Variants in FXR2 observed in about 807,000 individuals in gnomAD.
FXR2 encodes the protein RNA-binding protein FXR2.
In FXR2, 9 loss-of-function variants were observed where a neutral mutation model predicts 87.3. That is an observed-to-expected ratio of 0.10 (90% CI 0.06 to 0.18). FXR2 has a LOEUF of 0.18. Ranked by LOEUF, FXR2 falls within the 10% of genes least tolerant of loss-of-function variation. The pLI is 1.00. For synonymous variants in FXR2, 331 were observed against 328.3 expected (o/e 1.01, Z -0.09); for missense variants, 661 against 893.6 (o/e 0.74, Z 3.32).
At position 7,592,315 on chromosome 17, in the gene FXR2, C is replaced by T; in HGVS notation, c.1865G>A (p.Ser622Asn). The T allele has an allele frequency of 6.2e-7, 1 of 1,613,464 alleles. No individual in the cohort carries two copies. Among genetic ancestry groups the T allele is most frequent in the Non-Finnish European group, 8.5e-7 (1 of 1,179,430 alleles). Residue 622 changes from serine to asparagine, a missense_variant, in exon 16 of 17, where the codon AGC becomes AAC. Physicochemically the swap from Ser to Asn is conservative, Grantham distance 46. Coordinates refer to ENST00000250113, the MANE Select transcript of FXR2 (RefSeq NM_004860.4). The surrounding 1 kb of genome is among the most constrained non-coding windows in gnomAD (Gnocchi z 4.8). The part of the protein sequence containing the change: ...ADYISRAESQ[S>N]RQRPPLERTK... ...GCGTTCCAGGGGTGGCCTCTGGCGG[C>T]TCTGAGACTCTGCTCGTGAGATATA...
chr17:7,614,132 C>T, intron 1 of FXR2: 1 of 583,530 alleles, frequency 1.7e-6, no homozygotes, highest in Non-Finnish European at 3.2e-6. Flanking sequence ...CACCAGACAA[C>T]GGACACAGTC....
intron 1 of FXR2, among the ~76,000 whole-genome samples, chr17:7,607,954 G>A (rs1331829526): frequency 1.3e-5 from 2 of 151,808 alleles, no homozygotes; most frequent in East Asian, 3.9e-4. Flanking sequence ...CACGACCCTG[G>A]CTAATTCTGT....
chr17:7,614,631 G>A lies in FXR2; in HGVS notation c.-99C>T. 1 of 652,286 alleles carries A rather than the reference G, an allele frequency of 1.5e-6. No individual in the cohort carries two copies. The highest frequency in any genetic ancestry group is 2.2e-6 in the Non-Finnish European group (1 of 461,296). The allele number at this position is 652,286 out of a possible 1,614,324, so 40.4% of individuals were successfully genotyped here. A position where few individuals can be genotyped will look rare whatever the true frequency, so the allele number is the denominator to read the frequency against. On this transcript the variant is annotated 5_prime_UTR_variant, in exon 1 of 17. Coordinates refer to ENST00000250113, the MANE Select transcript of FXR2 (RefSeq NM_004860.4). ...CGGCGTCTCCCCGGAGGAGGAGCCG[G>A]AGGGGGAGCCGCGGGGGGCGGGAGC... is the stretch of plus-strand genomic sequence containing the variant.
At position 7,595,735 on chromosome 17, in the gene FXR2, A is replaced by G. The variant is rs115392553; in HGVS notation, c.831+89T>C. ...GGTGCTGGGATTACAGGTGTGAGCC[A>G]CTGTGCCCAGTTTGAGGCTTATTTT... On this transcript the variant is annotated intron_variant, in intron 8 of 16. Transcript: ENST00000250113. The surrounding 1 kb of genome is among the most constrained non-coding windows in gnomAD (Gnocchi z 4.7). 1.9e-6 allele frequency: 2 copies of G among 1,036,462 alleles called. No individual in the cohort carries two copies. The highest frequency in any genetic ancestry group is 1.4e-6 in the Non-Finnish European group (1 of 690,498). The allele number at this position is 1,036,462 out of a possible 1,614,324, so 64.2% of individuals were successfully genotyped here.
Position 7,593,752 on chromosome 17 carries a change from C to T in FXR2, c.1108-127G>A. ...AATGCAGGGAGAAGGAAGACACTGG[C>T]TAAACAAGGAAAATTCTGGGACCCA... On this transcript the variant is annotated intron_variant, in intron 11 of 16. Coordinates refer to ENST00000250113, the MANE Select transcript of FXR2 (RefSeq NM_004860.4). The surrounding 1 kb of genome is among the most constrained non-coding windows in gnomAD (Gnocchi z 6.1). 1 of 828,186 alleles carries T rather than the reference C, an allele frequency of 1.2e-6. No homozygotes were observed. Among genetic ancestry groups the T allele is most frequent in the Non-Finnish European group, 1.9e-6 (1 of 513,408 alleles). The allele number at this position is 828,186 out of a possible 1,614,324, so 51.3% of individuals were successfully genotyped here.
In FXR2 at chr17:7,614,664, GC is replaced by G; in HGVS notation, c.-133del. 2.4e-6 allele frequency: 1 copy of G among 413,812 alleles called. No homozygotes were observed. The highest frequency in any genetic ancestry group is 3.9e-6 in the Non-Finnish European group (1 of 253,420). The allele number at this position is 413,812 out of a possible 1,614,324, so 25.6% of individuals were successfully genotyped here. A position where few individuals can be genotyped will look rare whatever the true frequency, so the allele number is the denominator to read the frequency against. On this transcript the variant is annotated 5_prime_UTR_variant, in exon 1 of 17. Transcript: ENST00000250113. Reference sequence around the variant, plus strand: ...GCCGCGGGGGGCGGGAGCCGGGCCGGCCCCACGGCGGCCCTGCCACAGCCAA... The same window carrying G: ...GCCGCGGGGGGCGGGAGCCGGGCCGGCCCACGGCGGCCCTGCCACAGCCAA...
Position 7,608,429 on chromosome 17 carries a change from T to TAAA in FXR2, c.82-2283_82-2281dup, listed in dbSNP as rs1201395730. Among the ~76,000 whole-genome samples, 214 of 146,148 alleles carry TAAA rather than the reference T, an allele frequency of 1.5e-3. 1 individual carries two copies. The highest frequency in any genetic ancestry group is 5.1e-3 in the African/African-American group (204 of 39,736). ...CAATATGGCAAAATCCCATTGCTAC[T>TAAA]AAAAAAAAAAAAAAATAATAATAAT... On this transcript the variant is annotated intron_variant, in intron 1 of 16. Coordinates refer to ENST00000250113, the MANE Select transcript of FXR2 (RefSeq NM_004860.4).
intron 1 of FXR2, among the ~76,000 whole-genome samples, chr17:7,613,713 A>G (rs1266096496): frequency 6.6e-6 from 1 of 152,204 alleles, no homozygotes; most frequent in Non-Finnish European, 1.5e-5. Flanking sequence ...AAACTATATG[A>G]ATGACCTGAA....
chr17:7,609,929 T>C (rs11651662), intron 1 of FXR2, among the ~76,000 whole-genome samples: 14 of 117,312 alleles, frequency 1.2e-4, no homozygotes, highest in Non-Finnish European at 1.8e-4. Context: ...TACATGTATA[T>C]GTATATATAT....
rs752644575 is a variant in FXR2, at chr17:7,605,747, G to A, written c.135-9C>T. The A allele has an allele frequency of 2.7e-6, 4 of 1,465,308 alleles. No homozygotes were observed. Among genetic ancestry groups the A allele is most frequent in the Non-Finnish European group, 3.8e-6 (4 of 1,050,480 alleles). 90.8% of individuals were successfully genotyped at this position (1,465,308 alleles called of 1,614,324 possible). On this transcript the variant is annotated splice_polypyrimidine_tract_variant and intron_variant, in intron 2 of 16. Transcript: ENST00000250113. ...GTCTCTCACTCTGCCAGCTATAATAGAAACAATAATATGAAAAAGCTACTC... is the reference window on the plus strand; with the variant it reads ...GTCTCTCACTCTGCCAGCTATAATAAAAACAATAATATGAAAAAGCTACTC...
intron 6 of FXR2, among the ~76,000 whole-genome samples, chr17:7,601,934 A>G (rs1238095476): frequency 6.6e-6 from 1 of 152,134 alleles, no homozygotes; most frequent in East Asian, 1.9e-4. Flanking sequence ...TTCAAAAAAA[A>G]AAGAAATGAA....
rs778481927 is a variant in FXR2, at chr17:7,614,467, G to A, written c.66C>T (p.Asn22=). The A allele has an allele frequency of 1.6e-5, 25 of 1,540,776 alleles. No individual in the cohort carries two copies. The South Asian group carries it at 2.6e-4, about 16-fold the overall frequency. The change falls in exon 1 of 17, where the codon AAC becomes AAT. Residue 22 remains asparagine, a synonymous_variant. Transcript: ENST00000250113. ...PGLPVEVRGS[N]GAFYKGFVKD... is the part of the protein sequence containing the mutation. ...GCCGTCTCACCTTGTAGAAGGCCCC[G>A]TTGGAGCCGCGCACCTCGACGGGCA...
At chr17:7,602,043 T>C (rs532551633) in intron 6 of FXR2, among the ~76,000 whole-genome samples, 38 of 152,088 alleles carry the variant, frequency 2.5e-4, no homozygotes, top group Non-Finnish European at 4.9e-4. Context: ...AAGCATAAGG[T>C]GAGAGCTACA....
intron 1 of FXR2, among the ~76,000 whole-genome samples, chr17:7,607,696 G>A (rs1313451383): frequency 6.6e-6 from 1 of 151,284 alleles, no homozygotes; most frequent in Non-Finnish European, 1.5e-5. Flanking sequence ...CCCAAAGCTG[G>A]AATTAAAGAT....
chr17:7,607,414 G>A (rs994935846), intron 1 of FXR2, among the ~76,000 whole-genome samples: 6 of 150,596 alleles, frequency 4.0e-5, no homozygotes, highest in African/African-American at 1.2e-4. Flanking sequence ...TTAGTTTTTT[G>A]TTTTACATTT....
chr17:7,598,522 T>A (rs1382739920), intron 7 of FXR2, among the ~76,000 whole-genome samples: 4 of 152,010 alleles, frequency 2.6e-5, no homozygotes, highest in Non-Finnish European at 5.9e-5. Context: ...CTTCTCAGTA[T>A]ACGCACAATA....
At chr17:7,609,973 T>C (rs1367915935) in intron 1 of FXR2, among the ~76,000 whole-genome samples, 321 of 102,670 alleles carry the variant, frequency 3.1e-3, no homozygotes, top group South Asian at 8.4e-3. Flanking sequence ...TACATGTATA[T>C]GTATACATAT....
intron 1 of FXR2, among the ~76,000 whole-genome samples, chr17:7,612,694 T>C (rs1239475893): frequency 1.3e-5 from 2 of 151,320 alleles, no homozygotes; most frequent in Non-Finnish European, 2.9e-5. Context: ...GTATGAAGAG[T>C]GAGTAAAAAA....
intron 3 of FXR2, among the ~76,000 whole-genome samples, chr17:7,605,088 G>A (rs991203836): frequency 2.0e-5 from 3 of 150,394 alleles, no homozygotes; most frequent in African/African-American, 7.5e-5. Context: ...TCAGAGGACG[G>A]CAGGGCATGG....
Sources: allele counts gnomAD v4.1 joint callset (sites outside exome capture counted in the v4.1 genomes callset), GRCh38; gene constraint gnomAD v4.1.1; non-coding constraint Gnocchi (gnomAD v3.1); transcripts MANE v1.5; gene names NCBI Gene and HGNC (gene_info 2026-07-23, HGNC 2026-07-21).